Variants in LNX2 observed in about 807,000 individuals in gnomAD.
The protein encoded by LNX2 is ligand of numb-protein X 2.
Under a neutral mutation model 66.2 loss-of-function variants are expected in LNX2, and 35 were observed. The observed-to-expected ratio is 0.53, with a 90% CI of 0.40 to 0.70. The LOEUF is 0.70. Among genes scored for constraint, LNX2 ranks in the 30% least tolerant of loss-of-function variants. The pLI is 0.00. For missense variants in LNX2, 791 were observed against 850.8 expected, an observed-to-expected ratio of 0.93 and a Z score of 0.87; for synonymous variants, 337 against 315.6, an observed-to-expected ratio of 1.07 and a Z score of -0.72.
chr13:27,589,110 C>T (rs1307378744), intron 1 of LNX2, among the ~76,000 whole-genome samples: 6 of 152,246 alleles, frequency 3.9e-5, no homozygotes, highest in East Asian at 1.9e-4. Context: ...CAAGAAGTAC[C>T]GGTCAATAAC....
chr13:27,612,947 C>T (rs1016614335), intron 1 of LNX2, among the ~76,000 whole-genome samples: 2 of 152,124 alleles, frequency 1.3e-5, no homozygotes. Flanking sequence ...TTGTAAACTC[C>T]ATGAGGATAC....
At chr13:27,551,228 A>C (rs1190362776) in intron 8 of LNX2, among the ~76,000 whole-genome samples, 1 of 152,180 alleles carries the variant, frequency 6.6e-6, no homozygotes, top group Non-Finnish European at 1.5e-5. Context: ...TTGAGGCTGC[A>C]GTGAGCTATG....
chr13:27,562,560 T>G lies in LNX2; in HGVS notation c.1077A>C (p.Thr359=). 2 of 1,614,200 alleles carry G rather than the reference T, an allele frequency of 1.2e-6. No homozygotes were observed. Among genetic ancestry groups the G allele is most frequent in the Non-Finnish European group, 1.7e-6 (2 of 1,180,022 alleles). Residue 359 remains threonine, a synonymous_variant, in exon 5 of 10, where the codon ACA becomes ACC. Transcript: ENST00000316334. ...CAAGAATAAAAACCCCTGGCTCATC[T>G]GTCCTTCGCACCAATTTAATGCCAA... ...EQLGIKLVRR[T]DEPGVFILDL... is the part of the protein sequence containing the mutation.
chr13:27,590,530 G>A (rs1011643325), intron 1 of LNX2, among the ~76,000 whole-genome samples: 3 of 151,880 alleles, frequency 2.0e-5, no homozygotes, highest in East Asian at 1.9e-4. Flanking sequence ...TCCCCAGCCC[G>A]GTTTTTTTTT....
In LNX2 at chr13:27,567,800, G is replaced by T; in HGVS notation, c.695C>A (p.Thr232Asn). Residue 232 changes from threonine to asparagine, a missense_variant, in exon 4 of 10, where the codon ACC becomes AAC. Coordinates refer to ENST00000316334, the MANE Select transcript of LNX2 (RefSeq NM_153371.4). Reference protein sequence around the residue: ...QPLSLPEGEITTIEIHRSNPY... With the variant: ...QPLSLPEGEINTIEIHRSNPY... ...ATTGGACCGATGAATTTCAATCGTG[G>T]TGATTTCTCCTTCTGGTAAACTAAG... 1 of 1,614,026 alleles carries T rather than the reference G, an allele frequency of 6.2e-7. No individual in the cohort carries two copies. Among genetic ancestry groups the T allele is most frequent in the African/African-American group, 1.3e-5 (1 of 74,998 alleles).
chr13:27,620,602 G>C (rs1426470649), upstream of LNX2: 1 of 155,702 alleles, frequency 6.4e-6, no homozygotes, highest in Non-Finnish European at 1.4e-5. Context: ...CAGCGCCAAG[G>C]CCGAGCGGCC....
At chr13:27,616,984 C>T (rs1019926677) in intron 1 of LNX2, among the ~76,000 whole-genome samples, 13 of 152,152 alleles carry the variant, frequency 8.5e-5, no homozygotes, top group African/African-American at 3.1e-4. Context: ...CTCCTGACCT[C>T]GTGATCGCCC....
At chr13:27,548,680 T>C (rs1954972033) in intron 9 of LNX2, among the ~76,000 whole-genome samples, 2 of 152,184 alleles carry the variant, frequency 1.3e-5, no homozygotes, top group African/African-American at 4.8e-5. Context: ...GATGACTCCA[T>C]AACCAGTAGG....
At chr13:27,583,233 T>TCCTCTCCA (rs1566124793) in intron 1 of LNX2, among the ~76,000 whole-genome samples, 1 of 16,630 alleles carries the variant, frequency 6.0e-5, no homozygotes, top group Non-Finnish European at 1.4e-4. Flanking sequence ...TGTGTGTGTG[T>TCCTCTCCA]GTGTGTGTGT....
At chr13:27,549,222 T>C (rs1035951554) in intron 9 of LNX2, among the ~76,000 whole-genome samples, 3 of 152,224 alleles carry the variant, frequency 2.0e-5, no homozygotes, top group African/African-American at 7.2e-5. Context: ...CAATCACCTT[T>C]CCATACATTA....
chr13:27,581,228 A>C (rs1593251414), intron 2 of LNX2, 69 bp downstream of exon 2: 1 of 1,321,598 alleles, frequency 7.6e-7, no homozygotes, highest in East Asian at 2.5e-5. Context: ...GTTTTAATCA[A>C]GTTTTTATGT....
rs1566124679 is a variant in LNX2 at position 27,583,209 on chromosome 13, T to TGCGC, written c.-100-1407_-100-1406insGCGC. Among the ~76,000 whole-genome samples the TGCGC allele has an allele frequency of 6.2e-4, 18 of 28,836 alleles. 5 individuals are homozygous for TGCGC. Among genetic ancestry groups the TGCGC allele is most frequent in the South Asian group, 3.3e-3 (2 of 608 alleles). The allele number at this position is 28,836 out of a possible 152,430, so 18.9% of individuals were successfully genotyped here. A position where few individuals can be genotyped will look rare whatever the true frequency, so the allele number is the denominator to read the frequency against. On this transcript the variant is annotated intron_variant, in intron 1 of 9. Transcript: ENST00000316334. ...GTGTGTGTGTGTGTGTGTGTGTGTG[T>TGCGC]GTGTGTGTGTGTGTGTGTGTGTGTG...
intron 1 of LNX2, among the ~76,000 whole-genome samples, chr13:27,588,558 G>A (rs997974137): frequency 1.4e-3 from 216 of 152,228 alleles, no homozygotes; most frequent in African/African-American, 4.8e-3. Flanking sequence ...ATGTGACAAC[G>A]GAAATTGTAT....
chr13:27,602,693 G>C (rs967019030), intron 1 of LNX2, among the ~76,000 whole-genome samples: 1 of 152,154 alleles, frequency 6.6e-6, no homozygotes, highest in Non-Finnish European at 1.5e-5. Flanking sequence ...AAATACCTAA[G>C]AGTAGAAGGG....
At chr13:27,601,142 A>G (rs572821221) in intron 1 of LNX2, among the ~76,000 whole-genome samples, 1 of 152,330 alleles carries the variant, frequency 6.6e-6, no homozygotes, top group African/African-American at 2.4e-5. Context: ...AATCTTTCCA[A>G]CAAACCCTAT....
chr13:27,556,351 T>C lies in LNX2; in HGVS notation c.1431A>G (p.Glu477=). Residue 477 remains glutamate, a synonymous_variant, in exon 7 of 10, where the codon GAA becomes GAG. Transcript: ENST00000316334. ...KHITVKKEPH[E]SLGMTVAGGR... is the part of the protein sequence containing the mutation. ...CCCCAGCAACGGTCATGCCAAGGGA[T>C]TCATGTGGTTCCTTCTTTACAGTAA... The C allele has an allele frequency of 1.2e-6, 2 of 1,614,030 alleles. No homozygotes were observed. The highest frequency in any genetic ancestry group is 1.7e-6 in the Non-Finnish European group (2 of 1,179,956).
At chr13:27,596,682 C>T (rs1955602421) in intron 1 of LNX2, among the ~76,000 whole-genome samples, 1 of 152,120 alleles carries the variant, frequency 6.6e-6, no homozygotes, top group South Asian at 2.1e-4. Context: ...TAAAATCTTT[C>T]ACAAAATCTG....
At chr13:27,565,743 C>CTAGGGGTA (rs1566118606) in intron 4 of LNX2, among the ~76,000 whole-genome samples, 2 of 152,092 alleles carry the variant, frequency 1.3e-5, no homozygotes, top group African/African-American at 4.8e-5. Context: ...CTGTCTCAGC[C>CTAGGGGTA]ATGCCTAGGG....
chr13:27,561,191 C>T (rs1005336253), intron 5 of LNX2, among the ~76,000 whole-genome samples: 2 of 152,162 alleles, frequency 1.3e-5, no homozygotes, highest in Non-Finnish European at 2.9e-5. Context: ...GTATTTTTCA[C>T]ATTTTGGTTA....
Sources: allele counts gnomAD v4.1 joint callset (sites outside exome capture counted in the v4.1 genomes callset), GRCh38; gene constraint gnomAD v4.1.1; transcripts MANE v1.5; gene names NCBI Gene and HGNC (gene_info 2026-07-23, HGNC 2026-07-21).